FRMD5: variants seen among roughly 807,000 people sequenced by gnomAD.
The protein encoded by FRMD5 is FERM domain containing 5, also known as FERM domain-containing protein 5.
Under a neutral mutation model 69.0 loss-of-function variants are expected in FRMD5, and 20 were observed. The ratio of observed to expected loss-of-function variants is 0.29; its 90% CI spans 0.20 to 0.42. The LOEUF is 0.42. Ranked by LOEUF, FRMD5 falls within the 10% of genes least tolerant of loss-of-function variation. The pLI, the probability that FRMD5 is intolerant of heterozygous loss-of-function variation, is 1.00. For synonymous variants in FRMD5, 271 were observed against 260.1 expected (o/e 1.04, Z -0.40); for missense variants, 595 against 708.6 (o/e 0.84, Z 1.82).
chr15:43,954,893 AT>A (rs2090090635), intron 1 of FRMD5, among the ~76,000 whole-genome samples: 1 of 152,246 alleles, frequency 6.6e-6, no homozygotes, highest in Non-Finnish European at 1.5e-5. Flanking sequence ...GCTAGATGAT[AT>A]GCTGAGCATT....
Position 44,065,543 on chromosome 15 carries a change from G to A in FRMD5, c.102+129410C>T, listed in dbSNP as rs73406788. Among the ~76,000 whole-genome samples, 713 of 152,244 alleles carry A rather than the reference G, an allele frequency of 4.7e-3. 8 individuals are homozygous for A. Among genetic ancestry groups the A allele is most frequent in the African/African-American group, 0.017 (702 of 41,530 alleles). On this transcript the variant is annotated intron_variant, in intron 1 of 13. Transcript: ENST00000417257. ...AGTTAATAACACTATGCATATGATG[G>A]AGGTTGAGTACGATCTAGTACACAG...
intron 1 of FRMD5, among the ~76,000 whole-genome samples, chr15:44,190,136 A>C (rs1339863628): frequency 2.0e-5 from 3 of 152,186 alleles, no homozygotes; most frequent in Non-Finnish European, 4.4e-5. Context: ...CATGATATTC[A>C]CTTCTTTAGT....
chr15:43,914,787 G>A (rs2089355148), intron 4 of FRMD5, among the ~76,000 whole-genome samples: 1 of 138,132 alleles, frequency 7.2e-6, no homozygotes, highest in South Asian at 2.2e-4. Context: ...ATGCAGTAGT[G>A]CAATCTCGGC....
chr15:43,883,912 G>A (rs1201886011), intron 12 of FRMD5, 103 bp from the exon 13 acceptor site: 1 of 806,536 alleles, frequency 1.2e-6, no homozygotes, highest in Non-Finnish European at 2.1e-6. Flanking sequence ...GCTATATTAA[G>A]TCTTGGTCTC....
In FRMD5 at chr15:44,069,899, CT is replaced by C. The variant is rs1893463386; in HGVS notation, c.102+125053del. 2.0e-5 allele frequency among the ~76,000 whole-genome samples: 3 copies of C among 152,168 alleles called. No homozygotes were observed. The South Asian group carries it at 6.2e-4, about 32-fold the overall frequency. ...TCTCAGTTTAATTTTTAAAAAATAG[CT>C]CAGGTTAAGGGGGAGGCAAGACAAA... On this transcript the variant is annotated intron_variant, in intron 1 of 13. Transcript: ENST00000417257.
At chr15:44,118,339 T>G (rs1165928063) in intron 1 of FRMD5, among the ~76,000 whole-genome samples, 1 of 152,188 alleles carries the variant, frequency 6.6e-6, no homozygotes, top group Admixed American at 6.5e-5. Context: ...CCTTCACTAG[T>G]AAATGGAAAA....
intron 1 of FRMD5, among the ~76,000 whole-genome samples, chr15:44,050,846 C>T (rs545589934): frequency 6.6e-6 from 1 of 151,560 alleles, no homozygotes; most frequent in Non-Finnish European, 1.5e-5. Flanking sequence ...TTAGTAGAGA[C>T]GGGGTTTCAC....
intron 1 of FRMD5, among the ~76,000 whole-genome samples, chr15:44,020,040 TTATC>T (rs1300468577): frequency 1.3e-5 from 2 of 152,084 alleles, no homozygotes; most frequent in South Asian, 2.1e-4. Flanking sequence ...ATGAAACAAA[TTATC>T]TATATACGAA....
At chr15:44,092,567 A>G (rs1327540206) in intron 1 of FRMD5, among the ~76,000 whole-genome samples, 1 of 152,202 alleles carries the variant, frequency 6.6e-6, no homozygotes, top group Non-Finnish European at 1.5e-5. Context: ...CCCACTGCCA[A>G]TGGAATTAAG....
Position 44,038,520 on chromosome 15 carries a change from CT to C in FRMD5, c.103-114212del, listed in dbSNP as rs71111834. 3.6e-4 allele frequency among the ~76,000 whole-genome samples: 23 copies of C among 63,196 alleles called. 1 individual carries two copies. Among genetic ancestry groups the C allele is most frequent in the African/African-American group, 1.1e-3 (20 of 17,690 alleles). 41.5% of individuals were successfully genotyped at this position (63,196 alleles called of 152,430 possible). ...GCTTTCTGCATATGGCTAGCCAGAGCTTTTTTTTTTTTTTTTTTTTATAACA... is the reference window on the plus strand; with the variant it reads ...GCTTTCTGCATATGGCTAGCCAGAGCTTTTTTTTTTTTTTTTTTTATAACA... On this transcript the variant is annotated intron_variant, in intron 1 of 13. Transcript: ENST00000417257.
chr15:44,140,327 T>C (rs75472567), intron 1 of FRMD5, among the ~76,000 whole-genome samples: 3,355 of 151,872 alleles, frequency 0.022, 67 homozygotes, highest in Non-Finnish European at 0.03. Flanking sequence ...AGGGAGGAAA[T>C]CTAAATAGAT....
chr15:43,989,985 G>C, intron 1 of FRMD5: 2 of 1,007,588 alleles, frequency 2.0e-6, no homozygotes, highest in East Asian at 5.0e-5. Context: ...GGTACTTCAG[G>C]GTCAGGATGC....
intron 1 of FRMD5, among the ~76,000 whole-genome samples, chr15:44,027,015 CTG>C (rs1891457908): frequency 6.6e-6 from 1 of 152,152 alleles, no homozygotes; most frequent in African/African-American, 2.4e-5. Flanking sequence ...CAAGAAGAAT[CTG>C]TGGTGTTTGT....
At chr15:44,149,988 A>G (rs1392285300) in intron 1 of FRMD5, among the ~76,000 whole-genome samples, 3 of 152,162 alleles carry the variant, frequency 2.0e-5, no homozygotes, top group African/African-American at 4.8e-5. Flanking sequence ...TTTTCCTGCA[A>G]TGTAAGGATG....
At chr15:43,953,920 T>C (rs1227243606) in intron 1 of FRMD5, among the ~76,000 whole-genome samples, 1 of 152,100 alleles carries the variant, frequency 6.6e-6, no homozygotes, top group African/African-American at 2.4e-5. Context: ...GAAGAAAAAA[T>C]AACTCACAGA....
intron 1 of FRMD5, among the ~76,000 whole-genome samples, chr15:43,995,961 G>C (rs771256193): frequency 6.6e-6 from 1 of 152,124 alleles, no homozygotes; most frequent in African/African-American, 2.4e-5. Flanking sequence ...CAGAGCTGCT[G>C]GAGTGTAGGG....
intron 1 of FRMD5, among the ~76,000 whole-genome samples, chr15:44,039,855 G>A (rs570565610): frequency 9.2e-5 from 14 of 152,160 alleles, no homozygotes; most frequent in African/African-American, 3.4e-4. Context: ...GGCTTCAGAA[G>A]GCGGGTAATA....
intron 1 of FRMD5, among the ~76,000 whole-genome samples, chr15:44,053,606 A>G (rs541156516): frequency 2.6e-5 from 4 of 152,302 alleles, no homozygotes; most frequent in African/African-American, 9.6e-5. Context: ...AAACAAGAAT[A>G]AGGATGGCTT....
intron 1 of FRMD5, among the ~76,000 whole-genome samples, chr15:43,948,952 C>T (rs950812311): frequency 1.3e-5 from 2 of 152,210 alleles, no homozygotes; most frequent in African/African-American, 2.4e-5. Context: ...TTCCTATTTG[C>T]CATCTGTCCA....
Sources: gnomAD v4.1 joint callset for allele counts (sites outside exome capture counted in the v4.1 genomes callset) on GRCh38, gnomAD v4.1.1 for gene constraint, MANE v1.5 for transcripts, NCBI Gene and HGNC (gene_info 2026-07-23, HGNC 2026-07-21) for gene names.